MYOM2: variants seen among roughly 807,000 people sequenced by gnomAD.
The protein encoded by MYOM2 is myomesin-2.
Under a neutral mutation model 187.6 loss-of-function variants are expected in MYOM2, and 254 were observed. The observed-to-expected ratio is 1.35, with a 90% CI of 1.22 to 1.50. The LOEUF (loss-of-function observed/expected upper bound fraction) is 1.50. Among genes scored for constraint, MYOM2 ranks in the 40% most tolerant of loss-of-function variants. The pLI, the probability that MYOM2 is intolerant of heterozygous loss-of-function variation, is 0.00. For missense variants in MYOM2, 2,796 were observed against 1,924.0 expected, an observed-to-expected ratio of 1.45 and a Z score of -8.48; for synonymous variants, 981 against 753.8, an observed-to-expected ratio of 1.30 and a Z score of -4.94.
chr8:2,090,762 C>G (rs1048448755), intron 15 of MYOM2, among the ~76,000 whole-genome samples: 1 of 152,154 alleles, frequency 6.6e-6, no homozygotes, highest in African/African-American at 2.4e-5. Context: ...GGATAATGGC[C>G]TCCAGCTTCA....
intron 14 of MYOM2, among the ~76,000 whole-genome samples, chr8:2,087,871 C>A (rs946744299): frequency 6.6e-6 from 1 of 152,124 alleles, no homozygotes; most frequent in Non-Finnish European, 1.5e-5. Flanking sequence ...CTTCCTGCCT[C>A]AGCCTCCCAA....
intron 1 of MYOM2, among the ~76,000 whole-genome samples, chr8:2,048,308 A>T (rs752112576): frequency 1.3e-5 from 2 of 152,162 alleles, no homozygotes; most frequent in Non-Finnish European, 2.9e-5. Flanking sequence ...CCTTGGTCCA[A>T]CTTCATTTCA....
chr8:2,138,665 A>G (rs987796642), intron 32 of MYOM2, among the ~76,000 whole-genome samples: 2 of 152,200 alleles, frequency 1.3e-5, no homozygotes, highest in Non-Finnish European at 2.9e-5. Context: ...CACATCGGCA[A>G]CAGGTGAGGC....
intron 6 of MYOM2, among the ~76,000 whole-genome samples, chr8:2,064,146 G>T (rs991575358): frequency 7.9e-5 from 12 of 152,220 alleles, no homozygotes; most frequent in East Asian, 1.9e-4. Context: ...CCTTCCTCCT[G>T]CATCTGCTCC....
intron 3 of MYOM2, 79 bp downstream of exon 3, chr8:2,052,392 A>G: frequency 1.4e-6 from 2 of 1,423,252 alleles, no homozygotes; most frequent in South Asian, 3.0e-5. Flanking sequence ...AGGAGGGAAG[A>G]GCGACCTTAG....
chr8:2,144,106 C>G (rs1221514609), intron 36 of MYOM2, among the ~76,000 whole-genome samples: 1 of 152,010 alleles, frequency 6.6e-6, no homozygotes, highest in African/African-American at 2.4e-5. Context: ...TCTTTAGTAG[C>G]TAATGGAAGC....
intron 18 of MYOM2, among the ~76,000 whole-genome samples, chr8:2,096,810 G>A (rs1262912021): frequency 6.6e-6 from 1 of 152,184 alleles, no homozygotes; most frequent in Non-Finnish European, 1.5e-5. Flanking sequence ...GTCTGTTTAG[G>A]AAGAGAGTAA....
chr8:2,117,921 C>A lies in MYOM2; in HGVS notation c.3422C>A (p.Thr1141Lys). The part of the protein sequence containing the change: ...HFAEYLHWDV[T>K]EECEVRLVCK... The stretch of plus-strand genomic sequence containing the variant: ...GCTGAGTACTTGCACTGGGATGTCA[C>A]GGAAGAATGTGAAGTTCGACTTGTT... Residue 1141 changes from threonine to lysine, a missense_variant, in exon 28 of 37, where the codon ACG (threonine) becomes AAG (lysine). Thr to Lys is a moderately conservative substitution (Grantham distance 78). Transcript: ENST00000262113. The A allele has an allele frequency of 1.2e-6, 2 of 1,613,180 alleles. No homozygotes were observed. Among genetic ancestry groups the A allele is most frequent in the South Asian group, 2.2e-5 (2 of 90,966 alleles).
chr8:2,122,010 A>T (rs2116855910), intron 28 of MYOM2, among the ~76,000 whole-genome samples: 1 of 152,352 alleles, frequency 6.6e-6, no homozygotes, highest in Admixed American at 6.5e-5. Context: ...AAATACATTA[A>T]TTACAGATAT....
At position 2,090,208 on chromosome 8, in the gene MYOM2, G is replaced by A; in HGVS notation, c.1828+17G>A. 1 of 1,606,500 alleles carries A rather than the reference G, an allele frequency of 6.2e-7. No homozygotes were observed. The highest frequency in any genetic ancestry group is 8.5e-7 in the Non-Finnish European group (1 of 1,174,218). On this transcript the variant is annotated intron_variant, in intron 15 of 36. Coordinates refer to ENST00000262113, the MANE Select transcript of MYOM2 (RefSeq NM_003970.4). ...ATGTGACCGGTGAGCTGTCACACTGGGTGGCCCCAAGTCAGGATGGACTAA... is the reference window on the plus strand; with the variant it reads ...ATGTGACCGGTGAGCTGTCACACTGAGTGGCCCCAAGTCAGGATGGACTAA...
chr8:2,134,043 T>TA (rs1397668074), intron 32 of MYOM2, among the ~76,000 whole-genome samples: 1 of 152,106 alleles, frequency 6.6e-6, no homozygotes, highest in Non-Finnish European at 1.5e-5. Flanking sequence ...CCCCTGAGGT[T>TA]AGTGTATTGT....
intron 6 of MYOM2, among the ~76,000 whole-genome samples, chr8:2,065,675 T>A (rs1418772879): frequency 1.3e-5 from 2 of 152,180 alleles, no homozygotes; most frequent in African/African-American, 4.8e-5. Context: ...TGCCCAATAT[T>A]GAAAAAAATC....
chr8:2,066,379 C>G (rs973676763), intron 6 of MYOM2, among the ~76,000 whole-genome samples: 1 of 152,172 alleles, frequency 6.6e-6, no homozygotes, highest in Non-Finnish European at 1.5e-5. Flanking sequence ...CTCTGGCATT[C>G]GAATCCTTCC....
chr8:2,097,596 G>T (rs1796538313), intron 18 of MYOM2, among the ~76,000 whole-genome samples: 1 of 152,068 alleles, frequency 6.6e-6, no homozygotes, highest in South Asian at 2.1e-4. Flanking sequence ...CTCACTGCAA[G>T]CTCCGCCTCC....
intron 13 of MYOM2, among the ~76,000 whole-genome samples, chr8:2,084,124 T>C (rs1371485147): frequency 6.6e-6 from 1 of 152,228 alleles, no homozygotes. Flanking sequence ...CTGCATCTTC[T>C]CTCTGGAATG....
rs759246408 is a variant in MYOM2 at position 2,073,393 on chromosome 8, C to T, written c.1013C>T (p.Ala338Val). Residue 338 changes from alanine to valine, a missense_variant, in exon 10 of 37, where the codon GCC (alanine) becomes GTC (valine). Physicochemically the swap from Ala to Val is moderately conservative, Grantham distance 64. Transcript: ENST00000262113. ...WTKMFFGEGQ[A>V]SLSFSHLHKD... ...AAGATGTTCTTTGGAGAAGGCCAGG[C>T]CTCCCTGTCCTTCAGCCACCTGCAC... The T allele has an allele frequency of 9.9e-6, 16 of 1,613,292 alleles. No individual in the cohort carries two copies. In the East Asian group the frequency reaches 1.1e-4, roughly 11 times the overall value.
At chr8:2,073,292 G>T in intron 9 of MYOM2, 47 bp from the exon 10 acceptor site, 1 of 1,573,430 alleles carries the variant, frequency 6.4e-7, no homozygotes, top group Non-Finnish European at 8.7e-7. Context: ...TTCTTTGCCT[G>T]CTGGGGTGAT....
chr8:2,046,835 T>C (rs931887136), intron 1 of MYOM2, among the ~76,000 whole-genome samples: 2 of 151,776 alleles, frequency 1.3e-5, no homozygotes, highest in Non-Finnish European at 2.9e-5. Flanking sequence ...CAGCTTTCTA[T>C]GTAGACAGTA....
chr8:2,089,080 A>T (rs190136166), intron 14 of MYOM2, among the ~76,000 whole-genome samples: 1 of 148,794 alleles, frequency 6.7e-6, no homozygotes, highest in African/African-American at 2.5e-5. Context: ...TCCTTCAAAT[A>T]TGAGTCTGAT....
Sources: allele counts gnomAD v4.1 joint callset (sites outside exome capture counted in the v4.1 genomes callset), GRCh38; gene constraint gnomAD v4.1.1; transcripts MANE v1.5; gene names NCBI Gene and HGNC (gene_info 2026-07-23, HGNC 2026-07-21).